The following ABL2 variants were observed in gnomAD, a reference collection of about 807,000 sequenced individuals.
ABL2 encodes ABL proto-oncogene 2, non-receptor tyrosine kinase.
Under a neutral mutation model 107.7 loss-of-function variants are expected in ABL2, and 49 were observed. The observed-to-expected ratio is 0.45, with a 90% confidence interval of 0.36 to 0.58. The LOEUF (loss-of-function observed/expected upper bound fraction) is 0.58. Ranked by LOEUF, ABL2 falls within the 20% of genes least tolerant of loss-of-function variation. ABL2 has a pLI of 0.00. For missense variants in ABL2, 1,245 were observed against 1,457.0 expected, an observed-to-expected ratio of 0.85 and a Z score of 2.37; for synonymous variants, 549 against 548.6, an observed-to-expected ratio of 1.00 and a Z score of -0.01.
At chr1:179,129,059 T>A (rs946824012) in intron 3 of ABL2, among the ~76,000 whole-genome samples, 6 of 152,372 alleles carry the variant, frequency 3.9e-5, no homozygotes, top group Non-Finnish European at 8.8e-5. Context: ...CTTTATTTTT[T>A]AAATATATTT....
At chr1:179,110,648 T>C (rs1300340229) in intron 10 of ABL2, 193 bp from the exon 11 acceptor site, 2 of 1,542,000 alleles carry the variant, frequency 1.3e-6, no homozygotes, top group Non-Finnish European at 1.8e-6. Flanking sequence ...TCGTCCACGC[T>C]GCTGCATGTG....
chr1:179,153,240 T>A (rs1391846305), intron 1 of ABL2, among the ~76,000 whole-genome samples: 1 of 152,132 alleles, frequency 6.6e-6, no homozygotes, highest in East Asian at 1.9e-4. Flanking sequence ...ATTTCGTACA[T>A]CCTCCCTAGG....
chr1:179,128,771 C>T (rs1655990796), intron 3 of ABL2, among the ~76,000 whole-genome samples: 2 of 152,212 alleles, frequency 1.3e-5, no homozygotes, highest in South Asian at 2.1e-4. Context: ...GTAACCTCAA[C>T]TTCTCAGGCT....
At chr1:179,110,853 A>ATCACAGGG in intron 10 of ABL2, 8 of 1,613,964 alleles carry the variant, frequency 5.0e-6, no homozygotes, top group Non-Finnish European at 6.8e-6. Context: ...GAACTGGTGG[A>ATCACAGGG]TCACAGGGTA....
intron 1 of ABL2, among the ~76,000 whole-genome samples, chr1:179,215,284 G>A (rs1458187700): frequency 7.2e-5 from 11 of 152,192 alleles, no homozygotes; most frequent in African/African-American, 2.4e-4. Flanking sequence ...ATGGCTGGGT[G>A]TGGGAAACAC....
At chr1:179,176,238 C>T (rs1004389476) in intron 1 of ABL2, among the ~76,000 whole-genome samples, 3 of 151,974 alleles carry the variant, frequency 2.0e-5, no homozygotes, top group South Asian at 2.1e-4. Context: ...TTAATGGGTA[C>T]AGAAAAATAG....
chr1:179,186,226 C>T (rs1660677043), intron 1 of ABL2, among the ~76,000 whole-genome samples: 1 of 151,890 alleles, frequency 6.6e-6, no homozygotes, highest in African/African-American at 2.4e-5. Context: ...GCCTGGGTGA[C>T]AGAGGGAGAC....
At chr1:179,195,727 C>T (rs910537771) in intron 1 of ABL2, among the ~76,000 whole-genome samples, 2 of 152,080 alleles carry the variant, frequency 1.3e-5, no homozygotes, top group African/African-American at 4.8e-5. Flanking sequence ...AATTCTCCTG[C>T]ACGTTACAAC....
intron 1 of ABL2, among the ~76,000 whole-genome samples, chr1:179,142,528 C>T (rs1326149214): frequency 6.6e-6 from 1 of 152,102 alleles, no homozygotes; most frequent in African/African-American, 2.4e-5. Flanking sequence ...ATTAATATTA[C>T]AAATTTTTAG....
At chr1:179,138,223 A>G (rs1269101147) in intron 1 of ABL2, among the ~76,000 whole-genome samples, 4 of 152,118 alleles carry the variant, frequency 2.6e-5, no homozygotes, top group African/African-American at 7.2e-5. Flanking sequence ...AAGCTCCAAA[A>G]TGCTGCCAGT....
chr1:179,224,197 T>A (rs1454479990), intron 1 of ABL2, among the ~76,000 whole-genome samples: 2 of 137,992 alleles, frequency 1.4e-5, no homozygotes, highest in South Asian at 4.6e-4. Flanking sequence ...ATAAATCAGA[T>A]CACTTAAAAT....
chr1:179,142,236 T>G (rs973470716), intron 1 of ABL2, among the ~76,000 whole-genome samples: 1 of 152,188 alleles, frequency 6.6e-6, no homozygotes, highest in Non-Finnish European at 1.5e-5. Context: ...CACTCACATG[T>G]AAAGAACCTA....
At chr1:179,134,984 G>A (rs975284709) in intron 1 of ABL2, among the ~76,000 whole-genome samples, 2 of 152,216 alleles carry the variant, frequency 1.3e-5, no homozygotes, top group East Asian at 1.9e-4. Context: ...CGCCAGCCTC[G>A]GCCTCCCGAG....
chr1:179,223,037 G>C (rs955028828), intron 1 of ABL2, among the ~76,000 whole-genome samples: 1 of 150,232 alleles, frequency 6.7e-6, no homozygotes, highest in Non-Finnish European at 1.5e-5. Flanking sequence ...TTGAACCCAG[G>C]AGGAGGAGGT....
At chr1:179,162,843 A>T (rs1002413513) in intron 1 of ABL2, among the ~76,000 whole-genome samples, 2 of 152,228 alleles carry the variant, frequency 1.3e-5, no homozygotes, top group African/African-American at 2.4e-5. Context: ...CTTGTCTGAG[A>T]TCACAAGGTG....
intron 1 of ABL2, among the ~76,000 whole-genome samples, chr1:179,161,256 A>G (rs1659050878): frequency 6.6e-6 from 1 of 152,014 alleles, no homozygotes. Context: ...AATAGTGCCC[A>G]TCTGTAATTC....
Position 179,107,504 on chromosome 1 carries a change from T to C in ABL2, c.*214A>G. On this transcript the variant is annotated 3_prime_UTR_variant, in exon 12 of 12. Transcript: ENST00000502732. ...TTTCCAACCCTGTCCACTACTGCCT[T>C]GCCCCCACTTAATTTACCTCTCCTA... is the stretch of plus-strand genomic sequence containing the variant. The C allele has an allele frequency of 1.1e-6, 1 of 885,650 alleles. No individual in the cohort carries two copies. Among genetic ancestry groups the C allele is most frequent in the Non-Finnish European group, 1.6e-6 (1 of 622,896 alleles). 54.9% of individuals were successfully genotyped at this position (885,650 alleles called of 1,614,324 possible).
chr1:179,174,266 C>A (rs181622439), intron 1 of ABL2, among the ~76,000 whole-genome samples: 2 of 148,638 alleles, frequency 1.3e-5, no homozygotes, highest in African/African-American at 2.5e-5. Flanking sequence ...CCAGCCTGGG[C>A]GAAAGAGCAA....
At chr1:179,129,088 T>C (rs566953549) in intron 3 of ABL2, among the ~76,000 whole-genome samples, 62 of 152,310 alleles carry the variant, frequency 4.1e-4, no homozygotes, top group African/African-American at 1.5e-3. Context: ...TTTAAAATAA[T>C]AAAATAGCTT....
Sources: allele counts gnomAD v4.1 joint callset (sites outside exome capture counted in the v4.1 genomes callset), GRCh38; gene constraint gnomAD v4.1.1; transcripts MANE v1.5; gene names NCBI Gene and HGNC (gene_info 2026-07-23, HGNC 2026-07-21).